Variants in ARHGEF38 observed in about 807,000 individuals in gnomAD.
The protein encoded by ARHGEF38 is Rho guanine nucleotide exchange factor (GEF) 38.
ARHGEF38 carries 79 observed loss-of-function variants against 79.9 expected under a neutral mutation model. That is an observed-to-expected ratio of 0.99 (90% CI 0.82 to 1.19). ARHGEF38 has a LOEUF of 1.19. Among genes scored for constraint, ARHGEF38 ranks in the 50% most tolerant of loss-of-function variants. The pLI, the probability that ARHGEF38 is intolerant of heterozygous loss-of-function variation, is 0.00. For missense variants in ARHGEF38, 962 were observed against 907.2 expected (o/e 1.06, Z -0.78); for synonymous variants, 366 against 328.3 (o/e 1.11, Z -1.24).
intron 13 of ARHGEF38, among the ~76,000 whole-genome samples, chr4:105,671,945 G>T (rs770074048): frequency 2.0e-5 from 3 of 152,056 alleles, no homozygotes; most frequent in African/African-American, 7.2e-5. Flanking sequence ...GGTGTTGTAG[G>T]ATGTAGTCTG....
chr4:105,639,729 A>T (rs1478204821), intron 5 of ARHGEF38, among the ~76,000 whole-genome samples: 1 of 151,828 alleles, frequency 6.6e-6, no homozygotes, highest in African/African-American at 2.4e-5. Context: ...TGTGCTACTC[A>T]TTTGTCCATA....
At chr4:105,652,769 T>C (rs912485939) in intron 7 of ARHGEF38, among the ~76,000 whole-genome samples, 1 of 152,178 alleles carries the variant, frequency 6.6e-6, no homozygotes, top group Non-Finnish European at 1.5e-5. Context: ...CTAGACTGAG[T>C]TGGAGCATAG....
chr4:105,637,834 T>C (rs1035514363), intron 5 of ARHGEF38, among the ~76,000 whole-genome samples: 1 of 152,156 alleles, frequency 6.6e-6, no homozygotes, highest in Non-Finnish European at 1.5e-5. Context: ...GTTCATTGTA[T>C]TGAAACACGC....
chr4:105,613,606 C>G, intron 3 of ARHGEF38, 99 bp downstream of exon 3: 1 of 1,329,766 alleles, frequency 7.5e-7, no homozygotes. Context: ...CACCATGCTT[C>G]CCAGGAGATA....
At chr4:105,630,051 A>G (rs1301158801) in intron 3 of ARHGEF38, among the ~76,000 whole-genome samples, 1 of 152,150 alleles carries the variant, frequency 6.6e-6, no homozygotes, top group African/African-American at 2.4e-5. Flanking sequence ...AAATTGCTTC[A>G]TTTTGAGTAT....
chr4:105,643,443 A>T (rs1282833183), intron 5 of ARHGEF38, among the ~76,000 whole-genome samples: 7 of 152,156 alleles, frequency 4.6e-5, no homozygotes, highest in Admixed American at 3.3e-4. Context: ...TTTTAAAAAA[A>T]TGTTGCCTTT....
chr4:105,658,544 G>C (rs1422694428), intron 9 of ARHGEF38, among the ~76,000 whole-genome samples: 1 of 152,150 alleles, frequency 6.6e-6, no homozygotes, highest in Non-Finnish European at 1.5e-5. Flanking sequence ...GGGTAGCCAG[G>C]GATTTGGGGC....
At chr4:105,620,445 C>T (rs184138604) in intron 3 of ARHGEF38, among the ~76,000 whole-genome samples, 2 of 152,118 alleles carry the variant, frequency 1.3e-5, no homozygotes, top group East Asian at 3.8e-4. Flanking sequence ...AGAATGATAG[C>T]CCAGTGCCTA....
At chr4:105,588,203 T>C (rs1727150910) in intron 1 of ARHGEF38, among the ~76,000 whole-genome samples, 1 of 152,356 alleles carries the variant, frequency 6.6e-6, no homozygotes, top group South Asian at 2.1e-4. Context: ...TTTTTTACTG[T>C]ACAGACTCTT....
At chr4:105,640,200 C>T (rs191928231) in intron 5 of ARHGEF38, among the ~76,000 whole-genome samples, 6 of 152,138 alleles carry the variant, frequency 3.9e-5, no homozygotes, top group East Asian at 1.9e-4. Context: ...TAAGTTGTTA[C>T]GCTGTAATTT....
At chr4:105,628,186 T>A (rs1178406634) in intron 3 of ARHGEF38, among the ~76,000 whole-genome samples, 1 of 152,252 alleles carries the variant, frequency 6.6e-6, no homozygotes, top group African/African-American at 2.4e-5. Flanking sequence ...GACTTTCTAA[T>A]TTGATCACCT....
intron 1 of ARHGEF38, among the ~76,000 whole-genome samples, chr4:105,579,873 G>T (rs973875730): frequency 3.9e-5 from 6 of 152,008 alleles, no homozygotes; most frequent in Non-Finnish European, 8.8e-5. Context: ...AGCTTCTTTT[G>T]GTTGGTAGGC....
At chr4:105,612,556 A>G (rs1728337319) in intron 2 of ARHGEF38, among the ~76,000 whole-genome samples, 2 of 152,120 alleles carry the variant, frequency 1.3e-5, no homozygotes, top group South Asian at 2.1e-4. Flanking sequence ...ACCAGTCACT[A>G]TATGATTATG....
At chr4:105,559,435 A>C (rs1324846510) in intron 1 of ARHGEF38, among the ~76,000 whole-genome samples, 2 of 152,056 alleles carry the variant, frequency 1.3e-5, no homozygotes, top group Non-Finnish European at 2.9e-5. Flanking sequence ...GAGTGTTCAG[A>C]TCATGTCTAC....
chr4:105,659,888 T>TGC (rs1553949044), intron 10 of ARHGEF38, among the ~76,000 whole-genome samples: 1 of 151,060 alleles, frequency 6.6e-6, no homozygotes, highest in African/African-American at 2.4e-5. Flanking sequence ...TGTGTGTGTG[T>TGC]AGCTTCGCCT....
intron 1 of ARHGEF38, among the ~76,000 whole-genome samples, chr4:105,575,579 G>A (rs367923234): frequency 1.1e-4 from 17 of 151,964 alleles, no homozygotes; most frequent in African/African-American, 4.1e-4. Context: ...TAGTTTAAAA[G>A]TATTTTCTCC....
intron 1 of ARHGEF38, chr4:105,561,479 A>AGAATGGAATAGAATG (rs1560684620): frequency 3.7e-5 from 2 of 53,384 alleles, no homozygotes; most frequent in East Asian, 3.4e-4. Context: ...AGAATAGAAT[A>AGAATGGAATAGAATG]GAATAGAATA....
intron 5 of ARHGEF38, among the ~76,000 whole-genome samples, chr4:105,642,000 G>A (rs989266334): frequency 6.6e-6 from 1 of 151,990 alleles, no homozygotes; most frequent in Non-Finnish European, 1.5e-5. Flanking sequence ...TTAGTTTTTG[G>A]CCCAATATAT....
At chr4:105,638,821 T>C (rs548918445) in intron 5 of ARHGEF38, among the ~76,000 whole-genome samples, 2 of 152,276 alleles carry the variant, frequency 1.3e-5, no homozygotes, top group South Asian at 2.1e-4. Flanking sequence ...TTCTGTCTGA[T>C]ATATATGCCA....
Sources: allele counts gnomAD v4.1 joint callset (sites outside exome capture counted in the v4.1 genomes callset), GRCh38; gene constraint gnomAD v4.1.1; transcripts MANE v1.5; gene names NCBI Gene and HGNC (gene_info 2026-07-23, HGNC 2026-07-21).